RTN1: variants seen among roughly 807,000 people sequenced by gnomAD.
RTN1 encodes reticulon-1.
RTN1 carries 25 observed loss-of-function variants against 65.5 expected under a neutral mutation model. The ratio of observed to expected loss-of-function variants is 0.38; its 90% confidence interval spans 0.28 to 0.53. RTN1 has a LOEUF of 0.53. Ranked by LOEUF, RTN1 falls within the 20% of genes least tolerant of loss-of-function variation. RTN1 has a pLI of 0.79. For synonymous variants in RTN1, 471 were observed against 447.6 expected, an observed-to-expected ratio of 1.05 and a Z score of -0.66; for missense variants, 983 against 1,025.4, an observed-to-expected ratio of 0.96 and a Z score of 0.57.
intron 8 of RTN1, among the ~76,000 whole-genome samples, chr14:59,600,290 T>C (rs911336663): frequency 2.6e-5 from 4 of 152,130 alleles, no homozygotes; most frequent in African/African-American, 9.7e-5. Context: ...GACAATGATA[T>C]ATAATATTGA....
chr14:59,658,422 C>T (rs1214981026), intron 3 of RTN1, among the ~76,000 whole-genome samples: 1 of 152,198 alleles, frequency 6.6e-6, no homozygotes, highest in Non-Finnish European at 1.5e-5. Context: ...GGTCCCTGAC[C>T]CCTGTGTCTC....
intron 2 of RTN1, among the ~76,000 whole-genome samples, chr14:59,735,549 C>G (rs1884985648): frequency 6.6e-6 from 1 of 152,234 alleles, no homozygotes; most frequent in Non-Finnish European, 1.5e-5. Flanking sequence ...GAAAATTTAC[C>G]AAGCAAATGG....
intron 1 of RTN1, among the ~76,000 whole-genome samples, chr14:59,789,465 T>C (rs1010260836): frequency 2.6e-5 from 4 of 152,312 alleles, no homozygotes; most frequent in Admixed American, 2.6e-4. Flanking sequence ...TTTTATCCTT[T>C]AAAATAATCG....
chr14:59,764,595 T>C (rs1885814083), intron 1 of RTN1, among the ~76,000 whole-genome samples: 2 of 152,198 alleles, frequency 1.3e-5, no homozygotes, highest in Admixed American at 1.3e-4. Context: ...GTGCTGGGAT[T>C]ACAGGTGTGA....
At chr14:59,751,881 G>C (rs1885529710) in intron 1 of RTN1, among the ~76,000 whole-genome samples, 1 of 152,082 alleles carries the variant, frequency 6.6e-6, no homozygotes, top group African/African-American at 2.4e-5. Context: ...CCTGGCATTT[G>C]AGACCATGTG....
In RTN1 at chr14:59,753,734, G is replaced by A. The variant is rs532263074; in HGVS notation, c.242-7253C>T. ...AATTCTTGTCAGCACTTCCTGCAGAGCTGGCAGATGTGGGACCTGAGAGAG... is the reference window on the plus strand; with the variant it reads ...AATTCTTGTCAGCACTTCCTGCAGAACTGGCAGATGTGGGACCTGAGAGAG... On this transcript the variant is annotated intron_variant, in intron 1 of 8. Coordinates refer to ENST00000267484, the MANE Select transcript of RTN1 (RefSeq NM_021136.3). Among the ~76,000 whole-genome samples, 27 of 152,322 alleles carry A rather than the reference G, an allele frequency of 1.8e-4. No homozygotes were observed. In the East Asian group the frequency reaches 5.0e-3, roughly 28 times the overall value.
Position 59,749,320 on chromosome 14 carries a change from CTA to C in RTN1, c.242-2841_242-2840del, listed in dbSNP as rs1237200086. On this transcript the variant is annotated intron_variant, in intron 1 of 8. Transcript: ENST00000267484. ...TATCTATATATATCTATATATATATCTATATATCTATATATATCTATATATAT... is the reference window on the plus strand; with the variant it reads ...TATCTATATATATCTATATATATATCTATATCTATATATATCTATATATAT... 5.5e-3 allele frequency among the ~76,000 whole-genome samples: 97 copies of C among 17,772 alleles called. 16 individuals carry two copies. The highest frequency in any genetic ancestry group is 0.02 in the East Asian group (12 of 608). 11.7% of individuals were successfully genotyped at this position (17,772 alleles called of 152,430 possible). A position where few individuals can be genotyped will look rare whatever the true frequency, so the allele number is the denominator to read the frequency against.
intron 3 of RTN1, among the ~76,000 whole-genome samples, chr14:59,659,708 C>T (rs988226318): frequency 1.3e-5 from 2 of 152,202 alleles, no homozygotes; most frequent in Non-Finnish European, 2.9e-5. Context: ...TTTGTCACCA[C>T]CAGGCCTGCC....
intron 3 of RTN1, among the ~76,000 whole-genome samples, chr14:59,633,365 G>C (rs1882596451): frequency 6.6e-6 from 1 of 152,204 alleles, no homozygotes; most frequent in African/African-American, 2.4e-5. Context: ...TATTGTAAAA[G>C]TTAGCTACAT....
At chr14:59,621,785 C>T (rs578068467) in intron 3 of RTN1, among the ~76,000 whole-genome samples, 1 of 152,094 alleles carries the variant, frequency 6.6e-6, no homozygotes, top group Non-Finnish European at 1.5e-5. Context: ...TTCAAATGGC[C>T]CAACAGTGGC....
chr14:59,845,884 G>T (rs1219507924), intron 1 of RTN1, among the ~76,000 whole-genome samples: 1 of 151,844 alleles, frequency 6.6e-6, no homozygotes, highest in African/African-American at 2.4e-5. Context: ...AGCTGCCATG[G>T]ACAATTCTAC....
chr14:59,654,331 G>C (rs561266852), intron 3 of RTN1, among the ~76,000 whole-genome samples: 2 of 151,832 alleles, frequency 1.3e-5, no homozygotes, highest in African/African-American at 4.8e-5. Context: ...AGGAGGCTGA[G>C]GCAGGAGAAT....
intron 3 of RTN1, among the ~76,000 whole-genome samples, chr14:59,641,708 A>C (rs945616109): frequency 1.3e-5 from 2 of 152,196 alleles, no homozygotes; most frequent in African/African-American, 4.8e-5. Flanking sequence ...TAGAAATTAC[A>C]ATGTTCATCC....
intron 2 of RTN1, among the ~76,000 whole-genome samples, chr14:59,732,671 G>A (rs528735506): frequency 2.4e-4 from 36 of 152,186 alleles, no homozygotes; most frequent in Non-Finnish European, 4.0e-4. Context: ...AGTCTTAGCA[G>A]AGCAGCTGCT....
intron 1 of RTN1, among the ~76,000 whole-genome samples, chr14:59,831,041 A>G (rs1430908163): frequency 6.6e-6 from 1 of 152,190 alleles, no homozygotes; most frequent in Non-Finnish European, 1.5e-5. Context: ...GTTATGAGTC[A>G]AAAGAAAAAA....
At chr14:59,763,714 G>T (rs1223773784) in intron 1 of RTN1, among the ~76,000 whole-genome samples, 1 of 152,004 alleles carries the variant, frequency 6.6e-6, no homozygotes, top group Admixed American at 6.5e-5. Context: ...TGTATTTTTA[G>T]TAGAGATGGG....
At chr14:59,666,705 TAAA>T (rs756460404) in intron 3 of RTN1, among the ~76,000 whole-genome samples, 3 of 150,934 alleles carry the variant, frequency 2.0e-5, no homozygotes, top group Non-Finnish European at 4.4e-5. Flanking sequence ...GCAAGACTAA[TAAA>T]GAAGAAAAGA....
intron 3 of RTN1, among the ~76,000 whole-genome samples, chr14:59,687,796 C>A (rs1319690375): frequency 6.6e-6 from 1 of 151,962 alleles, no homozygotes; most frequent in Non-Finnish European, 1.5e-5. Flanking sequence ...CATGCCCAGG[C>A]AAATCTCCAA....
At chr14:59,826,396 C>T (rs1887031456) in intron 1 of RTN1, among the ~76,000 whole-genome samples, 1 of 152,184 alleles carries the variant, frequency 6.6e-6, no homozygotes, top group Non-Finnish European at 1.5e-5. Context: ...ATTGTAAGCA[C>T]TCCATACCTG....
Sources: allele counts gnomAD v4.1 joint callset (sites outside exome capture counted in the v4.1 genomes callset), GRCh38; gene constraint gnomAD v4.1.1; transcripts MANE v1.5; gene names NCBI Gene and HGNC (gene_info 2026-07-23, HGNC 2026-07-21).